CSMD1: variants seen among roughly 807,000 people sequenced by gnomAD.
CSMD1 encodes the protein CUB and sushi domain-containing protein 1.
A neutral mutation model predicts 417.5 loss-of-function variants in CSMD1; 213 were observed. That is an observed-to-expected ratio of 0.51 (90% CI 0.46 to 0.57). The LOEUF is 0.57. Among genes scored for constraint, CSMD1 ranks in the 20% least tolerant of loss-of-function variants. The pLI, the probability that CSMD1 is intolerant of heterozygous loss-of-function variation, is 0.00. For missense variants in CSMD1, 6,923 were observed against 4,529.7 expected, an observed-to-expected ratio of 1.53 and a Z score of -15.17; for synonymous variants, 2,862 against 1,736.8, an observed-to-expected ratio of 1.65 and a Z score of -16.11.
chr8:4,404,553 T>C (rs952615448), intron 3 of CSMD1, among the ~76,000 whole-genome samples: 4 of 152,168 alleles, frequency 2.6e-5, no homozygotes, highest in South Asian at 2.1e-4. Context: ...TAATATTAAA[T>C]ATGAACATTT....
intron 1 of CSMD1, among the ~76,000 whole-genome samples, chr8:4,769,896 A>C (rs1353640188): frequency 6.6e-6 from 1 of 152,186 alleles, no homozygotes; most frequent in Admixed American, 6.6e-5. Context: ...TCCTTTAATA[A>C]AAATCATGAA....
intron 3 of CSMD1, among the ~76,000 whole-genome samples, chr8:4,275,114 T>A (rs1796400799): frequency 6.6e-6 from 1 of 152,208 alleles, no homozygotes; most frequent in Non-Finnish European, 1.5e-5. Context: ...CTTGGCCTTA[T>A]AAAGATAACC....
At chr8:4,346,066 G>A (rs2128897849) in intron 3 of CSMD1, among the ~76,000 whole-genome samples, 1 of 152,176 alleles carries the variant, frequency 6.6e-6, no homozygotes, top group Non-Finnish European at 1.5e-5. Context: ...TCCATGTGCT[G>A]GCATGTGTGA....
At chr8:3,102,531 T>C (rs927215195) in intron 46 of CSMD1, among the ~76,000 whole-genome samples, 3 of 151,458 alleles carry the variant, frequency 2.0e-5, no homozygotes, top group African/African-American at 7.3e-5. Flanking sequence ...AGAATAACGC[T>C]CATGTTGTGT....
At chr8:4,671,243 T>C (rs1319664390) in intron 1 of CSMD1, among the ~76,000 whole-genome samples, 2 of 152,198 alleles carry the variant, frequency 1.3e-5, no homozygotes, top group Non-Finnish European at 2.9e-5. Flanking sequence ...ATTGAAGTCA[T>C]TAGATAATTT....
chr8:3,789,336 G>C (rs1383692465), intron 5 of CSMD1, among the ~76,000 whole-genome samples: 6 of 149,210 alleles, frequency 4.0e-5, no homozygotes, highest in Non-Finnish European at 8.9e-5. Flanking sequence ...CTAATACAGA[G>C]AATAATGTAA....
At chr8:3,903,328 C>G (rs1309087963) in intron 5 of CSMD1, among the ~76,000 whole-genome samples, 2 of 18,206 alleles carry the variant, frequency 1.1e-4, no homozygotes, top group Non-Finnish European at 1.8e-4. Flanking sequence ...ATCTGTCCAG[C>G]TAAAAAAAAA....
At chr8:4,831,140 A>G (rs761489860) in intron 1 of CSMD1, among the ~76,000 whole-genome samples, 1 of 152,196 alleles carries the variant, frequency 6.6e-6, no homozygotes, top group Non-Finnish European at 1.5e-5. Context: ...AAACTTCGTT[A>G]AATCATCCGT....
chr8:4,663,076 A>T (rs1318772308), intron 1 of CSMD1, among the ~76,000 whole-genome samples: 2 of 152,178 alleles, frequency 1.3e-5, no homozygotes, highest in African/African-American at 4.8e-5. Flanking sequence ...GAGTCAAGTA[A>T]GCCAACCCCT....
At chr8:4,793,401 A>C (rs1386786634) in intron 1 of CSMD1, among the ~76,000 whole-genome samples, 1 of 152,044 alleles carries the variant, frequency 6.6e-6, no homozygotes, top group Non-Finnish European at 1.5e-5. Flanking sequence ...AAAATATGGT[A>C]AAAATTTCAC....
intron 3 of CSMD1, among the ~76,000 whole-genome samples, chr8:4,362,289 C>G (rs1474522465): frequency 6.6e-6 from 1 of 152,104 alleles, no homozygotes; most frequent in African/African-American, 2.4e-5. Flanking sequence ...TGGACTCCTC[C>G]TCCTTCAGGT....
chr8:4,359,473 G>A (rs1291278868), intron 3 of CSMD1, among the ~76,000 whole-genome samples: 2 of 152,154 alleles, frequency 1.3e-5, no homozygotes, highest in African/African-American at 2.4e-5. Context: ...TTAAAAACAA[G>A]ATTGAATCCT....
rs370186403 is a variant in CSMD1, at chr8:2,963,192, G to A, written c.9454+30C>T. ...TCCGTCCCTGTTGCAGACCTGCAGT[G>A]GGCGGAACAAATTCTGCTGTAGAAC... On this transcript the variant is annotated intron_variant, in intron 60 of 69. Transcript: ENST00000635120. 1.2e-5 allele frequency: 20 copies of A among 1,611,452 alleles called. No individual in the cohort carries two copies. In the African/African-American group the frequency reaches 2.4e-4, roughly 19 times the overall value.
intron 5 of CSMD1, among the ~76,000 whole-genome samples, chr8:3,959,548 G>A (rs146209801): frequency 6.6e-6 from 1 of 152,264 alleles, no homozygotes; most frequent in Non-Finnish European, 1.5e-5. Context: ...AGAAAAGAGA[G>A]ACAAAGAGTT....
intron 3 of CSMD1, among the ~76,000 whole-genome samples, chr8:4,381,717 G>T (rs1238250283): frequency 6.6e-6 from 1 of 152,146 alleles, no homozygotes; most frequent in Non-Finnish European, 1.5e-5. Flanking sequence ...AGTTCACGCT[G>T]CCGTGGATGG....
chr8:4,142,408 A>G (rs527886653), intron 3 of CSMD1, among the ~76,000 whole-genome samples: 1 of 151,004 alleles, frequency 6.6e-6, no homozygotes, highest in Non-Finnish European at 1.5e-5. Context: ...CTTTGGGTCA[A>G]TATTTCTGCC....
intron 1 of CSMD1, among the ~76,000 whole-genome samples, chr8:4,747,468 A>G (rs1415138669): frequency 6.6e-6 from 1 of 152,214 alleles, no homozygotes; most frequent in South Asian, 2.1e-4. Flanking sequence ...AGCAGGAAAG[A>G]GAAGAGAAAA....
At chr8:2,986,535 C>T (rs530329087) in intron 54 of CSMD1, among the ~76,000 whole-genome samples, 2 of 152,260 alleles carry the variant, frequency 1.3e-5, no homozygotes, top group East Asian at 1.9e-4. Flanking sequence ...CAGAGTCTCA[C>T]TCTGGCTCAC....
chr8:3,349,197 T>C (rs1808225353), intron 21 of CSMD1, among the ~76,000 whole-genome samples: 1 of 152,166 alleles, frequency 6.6e-6, no homozygotes, highest in Admixed American at 6.5e-5. Context: ...ATGCACAGTA[T>C]TCCTTTTCCA....
Sources: allele counts gnomAD v4.1 joint callset (sites outside exome capture counted in the v4.1 genomes callset), GRCh38; gene constraint gnomAD v4.1.1; transcripts MANE v1.5; gene names NCBI Gene and HGNC (gene_info 2026-07-23, HGNC 2026-07-21).